NEK4: variants seen among roughly 807,000 people sequenced by gnomAD.
The protein encoded by NEK4 is serine/threonine-protein kinase Nek4.
In NEK4, 86 loss-of-function variants were observed where a neutral mutation model predicts 98.4. The ratio of observed to expected loss-of-function variants is 0.87; its 90% confidence interval spans 0.73 to 1.05. The LOEUF is 1.05. Among genes scored for constraint, NEK4 ranks in the 50% least tolerant of loss-of-function variants. The probability of loss-of-function intolerance (pLI) is 0.00; values close to 1 mark genes in which losing one functional copy is unlikely to be tolerated. For missense variants in NEK4, 898 were observed against 950.3 expected, an observed-to-expected ratio of 0.94 and a Z score of 0.72; for synonymous variants, 328 against 342.2, an observed-to-expected ratio of 0.96 and a Z score of 0.46.
chr3:52,737,575 G>A lies in NEK4; in HGVS notation c.2433+11C>T. 2 of 1,613,420 alleles carry A rather than the reference G, an allele frequency of 1.2e-6. No individual in the cohort carries two copies. The highest frequency in any genetic ancestry group is 1.7e-6 in the Non-Finnish European group (2 of 1,179,462). ...ACATAAGCATCTTGATACAGTTAAT[G>A]AGACACTCACCTCTCTATCAAATTC... On this transcript the variant is annotated intron_variant, in intron 15 of 15. Coordinates refer to ENST00000233027, the MANE Select transcript of NEK4 (RefSeq NM_003157.6).
At chr3:52,726,026 T>C (rs2097364187) in intron 15 of NEK4, among the ~76,000 whole-genome samples, 1 of 151,790 alleles carries the variant, frequency 6.6e-6, no homozygotes, top group Admixed American at 6.6e-5. Flanking sequence ...TTGAAAAAAA[T>C]ATTCCACATA....
At chr3:52,737,029 TA>T (rs1338903466) in intron 15 of NEK4, among the ~76,000 whole-genome samples, 1 of 152,126 alleles carries the variant, frequency 6.6e-6, no homozygotes, top group Non-Finnish European at 1.5e-5. Context: ...CTCCGCCTCC[TA>T]GGTTCAAACA....
intron 10 of NEK4, 135 bp downstream of exon 10, chr3:52,745,926 T>C: frequency 2.6e-6 from 2 of 776,526 alleles, no homozygotes; most frequent in South Asian, 3.7e-5. Context: ...TCTCACTATA[T>C]TGCCCAGGCC....
intron 4 of NEK4, 111 bp downstream of exon 4, chr3:52,765,776 A>G: frequency 1.5e-6 from 1 of 684,492 alleles, no homozygotes; most frequent in Non-Finnish European, 2.6e-6. Context: ...TATCAACCCA[A>G]TCTCAATAAT....
intron 2 of NEK4, among the ~76,000 whole-genome samples, chr3:52,767,215 G>T (rs1018294689): frequency 2.6e-5 from 4 of 151,916 alleles, no homozygotes; most frequent in Non-Finnish European, 5.9e-5. Context: ...GAACCCAGGA[G>T]GTGGAGGTTG....
chr3:52,754,754 G>T, intron 6 of NEK4: 1 of 407,664 alleles, frequency 2.5e-6, no homozygotes, highest in South Asian at 2.0e-5. Context: ...AGTTCAAGCT[G>T]ACCAATGGCA....
At chr3:52,762,534 T>C (rs1255121635) in intron 5 of NEK4, among the ~76,000 whole-genome samples, 1 of 152,186 alleles carries the variant, frequency 6.6e-6, no homozygotes, top group African/African-American at 2.4e-5. Context: ...ATTAAGCAAA[T>C]TTCAACATGT....
intron 10 of NEK4, among the ~76,000 whole-genome samples, 171 bp from the exon 11 acceptor site, chr3:52,744,476 G>A (rs2097392349): frequency 6.6e-6 from 1 of 152,080 alleles, no homozygotes; most frequent in Non-Finnish European, 1.5e-5. Flanking sequence ...ACCAGGTCAG[G>A]AGTTCGAGGC....
chr3:52,726,111 A>C (rs1294314638), intron 15 of NEK4, among the ~76,000 whole-genome samples: 2 of 152,228 alleles, frequency 1.3e-5, no homozygotes, highest in African/African-American at 2.4e-5. Flanking sequence ...AAAAGGTTAC[A>C]AGAGACAAAA....
At chr3:52,753,775 G>A in intron 6 of NEK4, 1 of 534,472 alleles carries the variant, frequency 1.9e-6, no homozygotes. Flanking sequence ...AATTTACCTT[G>A]GTTGCGGAGC....
intron 13 of NEK4, among the ~76,000 whole-genome samples, chr3:52,741,178 G>T (rs1048903484): frequency 1.3e-5 from 2 of 149,420 alleles, no homozygotes; most frequent in Admixed American, 1.3e-4. Context: ...GGAGCTTGCA[G>T]TGAGCGGAGA....
chr3:52,731,631 G>A (rs1202782617), intron 15 of NEK4, among the ~76,000 whole-genome samples: 4 of 152,188 alleles, frequency 2.6e-5, no homozygotes, highest in South Asian at 4.1e-4. Flanking sequence ...CATGCCATAC[G>A]CAAGAATTAA....
At chr3:52,730,779 G>A (rs1361415081) in intron 15 of NEK4, among the ~76,000 whole-genome samples, 2 of 152,294 alleles carry the variant, frequency 1.3e-5, no homozygotes, top group South Asian at 2.1e-4. Context: ...AGCTTTCTTT[G>A]TGGGCCAGTT....
chr3:52,723,516 A>T (rs890126463), intron 15 of NEK4, among the ~76,000 whole-genome samples: 1 of 152,196 alleles, frequency 6.6e-6, no homozygotes, highest in Non-Finnish European at 1.5e-5. Flanking sequence ...TGCTGGGATT[A>T]CAGGCATGAG....
Position 52,741,414 on chromosome 3 carries a change from T to C in NEK4, c.2090A>G (p.Glu697Gly). 1 of 1,585,404 alleles carries C rather than the reference T, an allele frequency of 6.3e-7. No individual in the cohort carries two copies. The highest frequency in any genetic ancestry group is 1.7e-4 in the Middle Eastern group (1 of 6,016). ...STDKSDGDYGEGKGQTNEINA... is the reference protein window; with the variant it reads ...STDKSDGDYGGGKGQTNEINA... ...AGACAGAAAAACAAGAACTTACCCT[T>C]CCCCGTAATCCCCATCTGACTTATC... is the stretch of plus-strand genomic sequence containing the variant. Residue 697 changes from glutamate to glycine, a missense_variant, in exon 13 of 16, where the codon GAA (glutamate) becomes GGA (glycine). Transcript: ENST00000233027.
intron 6 of NEK4, among the ~76,000 whole-genome samples, chr3:52,759,264 C>T (rs1698258068): frequency 6.6e-6 from 1 of 151,586 alleles, no homozygotes; most frequent in Non-Finnish European, 1.5e-5. Context: ...ATTAGCCAGG[C>T]ATGGTGGCAT....
Position 52,737,715 on chromosome 3 carries a change from A to G in NEK4, c.2304T>C (p.Ile768=), listed in dbSNP as rs778083718. ...TCCTGATCTTTTCAGAACCTGGCAT[A>G]ATAGCTAAAAGGCAACAACAAAGAC... The part of the protein sequence containing the change: ...EIHFKELPSA[I]MPGSEKIRRL... The change falls in exon 15 of 16, where the codon ATT becomes ATC. Residue 768 remains isoleucine (I), a synonymous_variant. Transcript: ENST00000233027. The G allele has an allele frequency of 4.4e-6, 7 of 1,608,052 alleles. No individual in the cohort carries two copies. The African/African-American group carries it at 9.4e-5, about 22-fold the overall frequency.
In NEK4 at chr3:52,752,146, T is replaced by C; in HGVS notation, c.1154A>G (p.Glu385Gly). Residue 385 changes from glutamate to glycine, a missense_variant, in exon 7 of 16, where the codon GAG becomes GGG. Physicochemically the swap from Glu to Gly is moderately conservative, Grantham distance 98 (BLOSUM62 -2). Transcript: ENST00000233027. ...RDSVSDGFVQ[E>G]NQPRYLDASN... Reference sequence around the variant, plus strand: ...GGCATCCAAATATCTTGGCTGATTCTCCTGAACAAAGCCATCACTCACTGA... The same window carrying C: ...GGCATCCAAATATCTTGGCTGATTCCCCTGAACAAAGCCATCACTCACTGA... 6.2e-7 allele frequency: 1 copy of C among 1,614,200 alleles called. No individual in the cohort carries two copies. Among genetic ancestry groups the C allele is most frequent in the South Asian group, 1.1e-5 (1 of 91,084 alleles).
In NEK4 at chr3:52,711,739, A is replaced by G. The variant is rs959118902; in HGVS notation, c.*38T>C. ...CTTTTTAAGCCAAAATCCTCTAAAA[A>G]TAGGTCTTTAATTCTGGCAGCAGAT... On this transcript the variant is annotated 3_prime_UTR_variant, in exon 16 of 16. Transcript: ENST00000233027. The G allele has an allele frequency of 3.0e-6, 4 of 1,326,560 alleles. No individual in the cohort carries two copies. Among genetic ancestry groups the G allele is most frequent in the Non-Finnish European group, 4.3e-6 (4 of 922,252 alleles). 82.2% of individuals were successfully genotyped at this position (1,326,560 alleles called of 1,614,324 possible).
Sources: allele counts gnomAD v4.1 joint callset (sites outside exome capture counted in the v4.1 genomes callset), GRCh38; gene constraint gnomAD v4.1.1; transcripts MANE v1.5; gene names NCBI Gene and HGNC (gene_info 2026-07-23, HGNC 2026-07-21).